Variants in OC90 observed in about 807,000 individuals in gnomAD.
OC90 encodes the protein otoconin-90.
A neutral mutation model predicts 47.3 loss-of-function variants in OC90; 46 were observed. The observed-to-expected ratio is 0.97, with a 90% CI of 0.77 to 1.24. The LOEUF (loss-of-function observed/expected upper bound fraction) is 1.24. Ranked by LOEUF, OC90 falls within the 50% of genes most tolerant of loss-of-function variation. OC90 has a pLI of 0.00. For synonymous variants in OC90, 271 were observed against 219.5 expected, an observed-to-expected ratio of 1.23 and a Z score of -2.07; for missense variants, 688 against 583.9, an observed-to-expected ratio of 1.18 and a Z score of -1.84.
intron 1 of OC90, among the ~76,000 whole-genome samples, chr8:132,057,002 A>G (rs1275362974): frequency 1.3e-5 from 2 of 152,212 alleles, no homozygotes; most frequent in Admixed American, 1.3e-4. Context: ...AAGAATGTCC[A>G]GCTTCCCAGG....
In OC90 at chr8:132,024,687, G is replaced by C. The variant is rs767708935; in HGVS notation, c.1228C>G (p.Leu410Val). 1.2e-6 allele frequency: 2 copies of C among 1,613,730 alleles called. No homozygotes were observed. The highest frequency in any genetic ancestry group is 3.3e-4 in the Middle Eastern group (2 of 6,060). Residue 410 changes from leucine (L) to valine (V), a missense_variant, in exon 14 of 14, where the codon CTC becomes GTC. Physicochemically the swap from Leu to Val is conservative, Grantham distance 32. Transcript: ENST00000254627. ...CMTSASFNQS[L>V]KSPSRLGCPG... ...CACCCGAGTCTGCTTGGGGACTTGA[G>C]GCTTTGGTTAAAGGAGGCAGAGGTC...
intron 13 of OC90, 76 bp from the exon 14 acceptor site, chr8:132,024,852 C>A (rs1822733288): frequency 1.6e-6 from 2 of 1,288,686 alleles, no homozygotes; most frequent in African/African-American, 1.5e-5. Flanking sequence ...CCCTGGCCAC[C>A]CCTCAGCCCT....
chr8:132,024,833 GC>G, intron 13 of OC90, 57 bp from the exon 14 acceptor site: 1 of 1,477,892 alleles, frequency 6.8e-7, no homozygotes, highest in Non-Finnish European at 9.2e-7. Flanking sequence ...GCACTGGGAG[GC>G]CCCACGGCCC....
At chr8:132,054,844 C>G (rs1400785857) in intron 2 of OC90, 137 bp downstream of exon 2, 10 of 546,840 alleles carry the variant, frequency 1.8e-5, no homozygotes, top group Admixed American at 7.4e-5. Flanking sequence ...GTTTAACCAT[C>G]TCAATTTTAT....
Position 132,052,328 on chromosome 8 carries a change from A to T in OC90, c.46+2653T>A, listed in dbSNP as rs536958745. Among the ~76,000 whole-genome samples, 7 of 152,352 alleles carry T rather than the reference A, an allele frequency of 4.6e-5. No homozygotes were observed. The South Asian group carries it at 1.2e-3, about 27-fold the overall frequency. On this transcript the variant is annotated intron_variant, in intron 2 of 13. Transcript: ENST00000254627. ...CTCTGGCACATTTTTCACTGGGCAT[A>T]ATTGCCTTGGAAATTAATCAGCGTA...
chr8:132,028,331 G>A (rs188803038), intron 13 of OC90, among the ~76,000 whole-genome samples: 23 of 151,792 alleles, frequency 1.5e-4, no homozygotes, highest in South Asian at 1.0e-3. Context: ...GTGAAACCCC[G>A]TCTCTACTAA....
intron 2 of OC90, among the ~76,000 whole-genome samples, chr8:132,048,460 G>T (rs183812683): frequency 1.4e-5 from 2 of 146,958 alleles, no homozygotes; most frequent in East Asian, 3.9e-4. Context: ...CTAACCCACC[G>T]TGGTCCCCCA....
rs145642596 is a variant in OC90, at chr8:132,028,426, A to C, written c.1138+647T>G. Among the ~76,000 whole-genome samples the C allele has an allele frequency of 6.8e-3, 1,032 of 151,830 alleles. 14 individuals are homozygous for C. Among genetic ancestry groups the C allele is most frequent in the African/African-American group, 0.024 (981 of 41,328 alleles). Reference sequence around the variant, plus strand: ...CTGAGGGAGGAGAATCGCTGGAATCAGGGGGTTAGAGGTTGCAGTGAGCCA... The same window carrying C: ...CTGAGGGAGGAGAATCGCTGGAATCCGGGGGTTAGAGGTTGCAGTGAGCCA... On this transcript the variant is annotated intron_variant, in intron 13 of 13. Coordinates refer to ENST00000254627, the MANE Select transcript of OC90 (RefSeq NM_001080399.3).
intron 6 of OC90, among the ~76,000 whole-genome samples, chr8:132,039,542 T>C (rs1823023458): frequency 1.3e-5 from 2 of 152,186 alleles, no homozygotes; most frequent in African/African-American, 4.8e-5. Flanking sequence ...ACCATGCCTT[T>C]ATTCTGTTCA....
chr8:132,037,327 G>A, intron 9 of OC90, 111 bp downstream of exon 9: 3 of 882,292 alleles, frequency 3.4e-6, no homozygotes, highest in Admixed American at 2.0e-5. Context: ...TCCCTTCGGT[G>A]CTGTTCTTGT....
intron 13 of OC90, 101 bp from the exon 14 acceptor site, chr8:132,024,877 A>G: frequency 1.0e-6 from 1 of 977,072 alleles, no homozygotes; most frequent in Non-Finnish European, 1.5e-6. Context: ...CTTCCTCCCC[A>G]TCTTCCACAC....
Position 132,037,492 on chromosome 8 carries a change from GAA to G in OC90, c.629-6_629-5del. The G allele has an allele frequency of 6.4e-7, 1 of 1,574,632 alleles. No homozygotes were observed. Among genetic ancestry groups the G allele is most frequent in the Non-Finnish European group, 8.6e-7 (1 of 1,158,838 alleles). On this transcript the variant is annotated splice_polypyrimidine_tract_variant and splice_region_variant and intron_variant, in intron 8 of 13. Transcript: ENST00000254627. ...TCTGTGGGCTCCACAGGAACCACTGGAAAAAGAGAGTTCCCAATAGCAGTGAC... is the reference window on the plus strand; with the variant it reads ...TCTGTGGGCTCCACAGGAACCACTGGAAAGAGAGTTCCCAATAGCAGTGAC...
intron 8 of OC90, 29 bp downstream of exon 8, chr8:132,038,761 C>T: frequency 6.2e-7 from 1 of 1,603,074 alleles, no homozygotes; most frequent in Non-Finnish European, 8.5e-7. Flanking sequence ...CCTTGTGGTT[C>T]AAGAGCCACC....
intron 2 of OC90, among the ~76,000 whole-genome samples, chr8:132,051,865 G>A (rs1205281162): frequency 6.6e-6 from 1 of 152,208 alleles, no homozygotes; most frequent in Non-Finnish European, 1.5e-5. Context: ...ACCAGGGCTT[G>A]AGAAAGGAGT....
chr8:132,036,259 A>T (rs1822960543), intron 9 of OC90: 1 of 709,012 alleles, frequency 1.4e-6, no homozygotes, highest in African/African-American at 1.8e-5. Flanking sequence ...AATAATATTT[A>T]TTTCAGGTTC....
intron 2 of OC90, among the ~76,000 whole-genome samples, chr8:132,047,716 T>C (rs1165875675): frequency 6.6e-6 from 1 of 152,206 alleles, no homozygotes; most frequent in Non-Finnish European, 1.5e-5. Context: ...TGGGAAACTA[T>C]GGTAAAGTGC....
rs766544961 is a variant in OC90 at position 132,024,762 on chromosome 8, G to A, written c.1153C>T (p.Leu385=). The change falls in exon 14 of 14, where the codon CTG becomes TTG. Residue 385 remains leucine (L), a synonymous_variant. Transcript: ENST00000254627. ...CAGGCACAGAGCAACTTCTCACACA[G>A]GCTTTGGCCCCCACCTTAGAAGGAA... ...DHTPKCGGQS[L]CEKLLCACDQ... 1.2e-6 allele frequency: 2 copies of A among 1,612,798 alleles called. No individual in the cohort carries two copies. Among genetic ancestry groups the A allele is most frequent in the Non-Finnish European group, 1.7e-6 (2 of 1,179,272 alleles).
chr8:132,055,140 C>G, intron 1 of OC90, 67 bp from the exon 2 acceptor site: 1 of 821,594 alleles, frequency 1.2e-6, no homozygotes, highest in Non-Finnish European at 1.9e-6. Flanking sequence ...ACCCATGGGA[C>G]CCCCATGTCC....
At chr8:132,028,596 AAGGAG>A (rs1822804478) in intron 13 of OC90, among the ~76,000 whole-genome samples, 1 of 32,478 alleles carries the variant, frequency 3.1e-5, no homozygotes, top group African/African-American at 9.0e-5. Flanking sequence ...GGAAGGAAGG[AAGGAG>A]GGAAGGAGGG....
Sources: allele counts gnomAD v4.1 joint callset (sites outside exome capture counted in the v4.1 genomes callset), GRCh38; gene constraint gnomAD v4.1.1; transcripts MANE v1.5; gene names NCBI Gene and HGNC (gene_info 2026-07-23, HGNC 2026-07-21).